MCC: variants seen among roughly 807,000 people sequenced by gnomAD.
MCC encodes the protein colorectal mutant cancer protein.
In MCC, 90 loss-of-function variants were observed where a neutral mutation model predicts 116.2. The observed-to-expected ratio is 0.77, with a 90% confidence interval of 0.65 to 0.92. MCC has a LOEUF of 0.92. Among genes scored for constraint, MCC ranks in the 40% least tolerant of loss-of-function variants. The probability of loss-of-function intolerance (pLI) is 0.00; values close to 1 mark genes in which losing one functional copy is unlikely to be tolerated. For synonymous variants in MCC, 578 were observed against 510.5 expected (o/e 1.13, Z -1.78); for missense variants, 1,516 against 1,312.2 (o/e 1.16, Z -2.40).
chr5:113,445,763 T>C lies in MCC; in HGVS notation c.170+42482A>G, dbSNP rs1421079420. ...GAAAAAAACTATTCTAATACTCATA[T>C]AGAATGAAAAAATACCCCACATAGC... On this transcript the variant is annotated intron_variant, in intron 1 of 18. Coordinates refer to ENST00000408903, the MANE Select transcript of MCC (RefSeq NM_001085377.2). Among the ~76,000 whole-genome samples, 4 of 152,188 alleles carry C rather than the reference T, an allele frequency of 2.6e-5. No homozygotes were observed. In the East Asian group the frequency reaches 5.8e-4, roughly 22 times the overall value.
intron 3 of MCC, among the ~76,000 whole-genome samples, chr5:113,163,286 T>C (rs1326166368): frequency 2.0e-5 from 3 of 152,198 alleles, no homozygotes; most frequent in African/African-American, 4.8e-5. Context: ...CATCTATTCA[T>C]GATAGAAAAA....
intron 1 of MCC, among the ~76,000 whole-genome samples, chr5:113,415,184 C>T (rs1770108111): frequency 6.6e-6 from 1 of 152,168 alleles, no homozygotes; most frequent in African/African-American, 2.4e-5. Flanking sequence ...ACCCTTCTCT[C>T]TGGCTGCCCT....
intron 6 of MCC, among the ~76,000 whole-genome samples, chr5:113,119,526 C>A (rs1757609868): frequency 1.3e-5 from 2 of 152,148 alleles, no homozygotes. Flanking sequence ...AAAAACAGGA[C>A]AAATGGCCAA....
chr5:113,162,018 A>G (rs958229920), intron 3 of MCC, among the ~76,000 whole-genome samples: 6 of 151,188 alleles, frequency 4.0e-5, no homozygotes, highest in African/African-American at 1.5e-4. Flanking sequence ...AATCCAAAGC[A>G]CCAGGAGAGG....
At chr5:113,122,309 T>C (rs1472705989) in intron 6 of MCC, among the ~76,000 whole-genome samples, 1 of 152,234 alleles carries the variant, frequency 6.6e-6, no homozygotes, top group East Asian at 1.9e-4. Context: ...CCAATCCAAG[T>C]AGTTGTTAAA....
At chr5:113,085,642 G>A (rs961055705) in intron 8 of MCC, among the ~76,000 whole-genome samples, 2 of 152,120 alleles carry the variant, frequency 1.3e-5, no homozygotes, top group Non-Finnish European at 2.9e-5. Flanking sequence ...AGCATGAGGT[G>A]AACATATTAT....
chr5:113,151,959 C>T (rs1428837382), intron 3 of MCC, among the ~76,000 whole-genome samples: 1 of 152,038 alleles, frequency 6.6e-6, no homozygotes, highest in Non-Finnish European at 1.5e-5. Flanking sequence ...TACAGTTGAC[C>T]CATTTATTTT....
At position 113,321,052 on chromosome 5, in the gene MCC, T is replaced by C. The variant is rs139176468; in HGVS notation, c.627+19467A>G. Among the ~76,000 whole-genome samples the C allele has an allele frequency of 1.1e-3, 165 of 152,338 alleles. 3 individuals carry two copies. In the East Asian group the frequency reaches 0.024, roughly 22 times the overall value. On this transcript the variant is annotated intron_variant, in intron 3 of 18. Coordinates refer to ENST00000408903, the MANE Select transcript of MCC (RefSeq NM_001085377.2). ...CATGAAACAATATTCCACTACACAC[T>C]TGTGGTTCAGTAATCATTTTGCTGT... is the stretch of plus-strand genomic sequence containing the variant.
In MCC at chr5:113,473,523, C is replaced by CAAAACA. The variant is rs964322288; in HGVS notation, c.170+14716_170+14721dup. On this transcript the variant is annotated intron_variant, in intron 1 of 18. Coordinates refer to ENST00000408903, the MANE Select transcript of MCC (RefSeq NM_001085377.2). Reference sequence around the variant, plus strand: ...TGGATGACAGAGCAAGACCCTTTCTCAAAACAAAAACAAAAACAAAAACAA... The same window carrying CAAAACA: ...TGGATGACAGAGCAAGACCCTTTCTCAAAACAAAAACAAAAACAAAAACAAAAACAA... Among the ~76,000 whole-genome samples, 10 of 152,008 alleles carry CAAAACA rather than the reference C, an allele frequency of 6.6e-5. No homozygotes were observed. The South Asian group carries it at 1.2e-3, about 19-fold the overall frequency.
At chr5:113,246,860 A>G (rs1212891190) in intron 3 of MCC, among the ~76,000 whole-genome samples, 2 of 152,180 alleles carry the variant, frequency 1.3e-5, no homozygotes, top group South Asian at 2.1e-4. Flanking sequence ...AGTCATTCAC[A>G]TAACATTAGG....
intron 1 of MCC, among the ~76,000 whole-genome samples, chr5:113,430,621 C>G (rs1329800926): frequency 6.6e-6 from 1 of 152,116 alleles, no homozygotes; most frequent in Non-Finnish European, 1.5e-5. Context: ...TAGTGGGAAT[C>G]AGAAAGCATG....
At chr5:113,286,679 C>T (rs1284849774) in intron 3 of MCC, among the ~76,000 whole-genome samples, 2 of 152,152 alleles carry the variant, frequency 1.3e-5, no homozygotes, top group African/African-American at 4.8e-5. Context: ...AGTTAACAAA[C>T]TCAACATATG....
intron 1 of MCC, among the ~76,000 whole-genome samples, chr5:113,482,070 T>C (rs1772394817): frequency 6.6e-6 from 1 of 152,218 alleles, no homozygotes; most frequent in South Asian, 2.1e-4. Context: ...TCAAGGTTCA[T>C]CCTTGTTATA....
At chr5:113,432,810 C>G (rs1199007074) in intron 1 of MCC, 1 of 152,178 alleles carries the variant, frequency 6.6e-6, no homozygotes, top group Non-Finnish European at 1.5e-5. Flanking sequence ...TCTGGGGGTG[C>G]TGGGGAGTAA....
intron 3 of MCC, among the ~76,000 whole-genome samples, chr5:113,271,767 G>A (rs1295532327): frequency 6.6e-6 from 1 of 152,168 alleles, no homozygotes; most frequent in Non-Finnish European, 1.5e-5. Flanking sequence ...CCTCAGAAAA[G>A]GATGAGTCTG....
chr5:113,030,998 TCCTTTCTGCTG>T (rs1180501179), intron 17 of MCC, among the ~76,000 whole-genome samples: 1 of 152,204 alleles, frequency 6.6e-6, no homozygotes, highest in Admixed American at 6.5e-5. Flanking sequence ...GGTAGAAGGC[TCCTTTCTGCTG>T]CCCAAACTGT....
chr5:113,132,479 TAC>T lies in MCC; in HGVS notation c.885-9655_885-9654del, dbSNP rs1394365231. On this transcript the variant is annotated intron_variant, in intron 5 of 18. Coordinates refer to ENST00000408903, the MANE Select transcript of MCC (RefSeq NM_001085377.2). ...ACACACACACACACACACACACACA[TAC>T]ATATATATATACAAGCAAGAAAATA... Among the ~76,000 whole-genome samples, 6 of 85,162 alleles carry T rather than the reference TAC, an allele frequency of 7.0e-5. 1 individual carries two copies. Among genetic ancestry groups the T allele is most frequent in the African/African-American group, 1.5e-4 (4 of 27,540 alleles). The allele number at this position is 85,162 out of a possible 152,430, so 55.9% of individuals were successfully genotyped here.
At chr5:113,268,112 G>A (rs573560334) in intron 3 of MCC, among the ~76,000 whole-genome samples, 24 of 152,150 alleles carry the variant, frequency 1.6e-4, no homozygotes, top group African/African-American at 5.8e-4. Context: ...CTACAAACCT[G>A]GGTTACTGAA....
intron 3 of MCC, among the ~76,000 whole-genome samples, chr5:113,200,077 T>C (rs895874251): frequency 6.6e-6 from 1 of 152,054 alleles, no homozygotes; most frequent in Non-Finnish European, 1.5e-5. Context: ...TTGCCATGGA[T>C]GAAGTGACAA....
Sources: gnomAD v4.1 joint callset for allele counts (sites outside exome capture counted in the v4.1 genomes callset) on GRCh38, gnomAD v4.1.1 for gene constraint, MANE v1.5 for transcripts, NCBI Gene and HGNC (gene_info 2026-07-23, HGNC 2026-07-21) for gene names.